DDAH1: variants seen among roughly 807,000 people sequenced by gnomAD.
DDAH1 encodes N(G),N(G)-dimethylarginine dimethylaminohydrolase 1.
In DDAH1, 19 loss-of-function variants were observed where a neutral mutation model predicts 28.8. The observed-to-expected ratio is 0.66, with a 90% CI of 0.46 to 0.97. The LOEUF (loss-of-function observed/expected upper bound fraction) is 0.97. DDAH1 is among the 50% of genes least tolerant of loss of function. DDAH1 has a pLI of 0.00. For synonymous variants in DDAH1, 153 were observed against 154.4 expected (o/e 0.99, Z 0.07); for missense variants, 326 against 375.9 (o/e 0.87, Z 1.10).
intron 1 of DDAH1, among the ~76,000 whole-genome samples, chr1:85,419,468 A>G (rs939074031): frequency 6.8e-6 from 1 of 146,514 alleles, no homozygotes; most frequent in South Asian, 2.3e-4. Flanking sequence ...TGAAACCGGG[A>G]GACAGAGGTT....
chr1:85,388,883 A>T (rs949115252), intron 1 of DDAH1, among the ~76,000 whole-genome samples: 1 of 152,220 alleles, frequency 6.6e-6, no homozygotes, highest in African/African-American at 2.4e-5. Context: ...CACTTAAAGG[A>T]ATTCAAATAG....
chr1:85,365,395 G>A (rs1187459442), intron 1 of DDAH1, among the ~76,000 whole-genome samples: 3 of 152,152 alleles, frequency 2.0e-5, no homozygotes, highest in Non-Finnish European at 4.4e-5. Flanking sequence ...GAAATGGAAG[G>A]ATAGAGGCTA....
chr1:85,356,885 G>A (rs1331757672), intron 2 of DDAH1, among the ~76,000 whole-genome samples: 1 of 152,156 alleles, frequency 6.6e-6, no homozygotes, highest in African/African-American at 2.4e-5. Context: ...AGATTTTAGG[G>A]GGTCTTTCTG....
intron 1 of DDAH1, among the ~76,000 whole-genome samples, chr1:85,433,022 C>T (rs900151832): frequency 2.0e-5 from 3 of 152,192 alleles, no homozygotes; most frequent in East Asian, 1.9e-4. Flanking sequence ...ATGATATTTA[C>T]ACTGTGTGAT....
At chr1:85,408,985 A>AC (rs955635444) in intron 1 of DDAH1, among the ~76,000 whole-genome samples, 21 of 152,072 alleles carry the variant, frequency 1.4e-4, no homozygotes, top group African/African-American at 4.6e-4. Context: ...TTCCAACTTC[A>AC]CCCCTCCTTT....
Position 85,470,756 on chromosome 1 carries a change from C to T in DDAH1, c.-7+25410G>A, listed in dbSNP as rs914084921. Among the ~76,000 whole-genome samples the T allele has an allele frequency of 1.2e-3, 177 of 152,300 alleles. 6 individuals are homozygous for T. The highest frequency in any genetic ancestry group is 4.1e-4 in the Non-Finnish European group (28 of 68,020). ...AGTTACAGACCCAGAGATGGTTCCACGGTAACCAGGACTCTGGTTCCTAAA... is the reference window on the plus strand; with the variant it reads ...AGTTACAGACCCAGAGATGGTTCCATGGTAACCAGGACTCTGGTTCCTAAA... On this transcript the variant is annotated intron_variant, in intron 2 of 6. Transcript: ENST00000426972.
chr1:85,539,937 TA>T (rs1658420849), intron 1 of DDAH1, among the ~76,000 whole-genome samples: 1 of 151,718 alleles, frequency 6.6e-6, no homozygotes, highest in Non-Finnish European at 1.5e-5. Context: ...TAATTTTACT[TA>T]TTTCTCCAAA....
At chr1:85,497,087 T>TAAC (rs1157351845) in intron 1 of DDAH1, among the ~76,000 whole-genome samples, 6 of 152,190 alleles carry the variant, frequency 3.9e-5, no homozygotes, top group African/African-American at 1.4e-4. Context: ...TGACTTAACC[T>TAAC]AACAGAACAG....
chr1:85,412,010 T>C (rs1281706801), intron 1 of DDAH1, among the ~76,000 whole-genome samples: 1 of 152,262 alleles, frequency 6.6e-6, no homozygotes, highest in African/African-American at 2.4e-5. Flanking sequence ...CCCACTGATA[T>C]AGAATGTACT....
intron 2 of DDAH1, among the ~76,000 whole-genome samples, chr1:85,472,111 T>A (rs588672): frequency 0.98 from 148,684 of 152,312 alleles, 72,657 homozygotes; most frequent in East Asian, 1. Context: ...TTACTCCAAC[T>A]TTCCTTCTGC....
At chr1:85,465,719 T>C (rs1468664946), upstream of DDAH1, among the ~76,000 whole-genome samples, 5 of 152,154 alleles carry the variant, frequency 3.3e-5, no homozygotes, top group Non-Finnish European at 7.3e-5. Context: ...CATTTGCATA[T>C]CTGAAAACAG....
At chr1:85,412,244 A>G (rs929674743) in intron 1 of DDAH1, among the ~76,000 whole-genome samples, 3 of 152,228 alleles carry the variant, frequency 2.0e-5, no homozygotes, top group African/African-American at 7.2e-5. Context: ...GGAGTCTACT[A>G]TGTCATGCTA....
intron 1 of DDAH1, among the ~76,000 whole-genome samples, chr1:85,389,390 T>G (rs1651431515): frequency 6.6e-6 from 1 of 152,222 alleles, no homozygotes; most frequent in African/African-American, 2.4e-5. Context: ...TACTAACTAT[T>G]AAATTTTAGT....
At chr1:85,551,349 T>A (rs1025444548) in intron 1 of DDAH1, among the ~76,000 whole-genome samples, 1 of 152,228 alleles carries the variant, frequency 6.6e-6, no homozygotes, top group African/African-American at 2.4e-5. Context: ...TACTCTGGGA[T>A]CTGCTGGTTT....
At chr1:85,345,370 G>A (rs1413240226) in intron 4 of DDAH1, among the ~76,000 whole-genome samples, 2 of 150,768 alleles carry the variant, frequency 1.3e-5, no homozygotes, top group African/African-American at 2.4e-5. Context: ...GGGTATGAAG[G>A]TGAGATGCAA....
intron 1 of DDAH1, among the ~76,000 whole-genome samples, chr1:85,449,465 C>G (rs1309526882): frequency 2.6e-5 from 4 of 151,912 alleles, no homozygotes; most frequent in Admixed American, 1.3e-4. Flanking sequence ...GGGGTAGGGC[C>G]ATCAGCAGAA....
intron 1 of DDAH1, among the ~76,000 whole-genome samples, chr1:85,503,039 A>G (rs1570616060): frequency 6.6e-6 from 1 of 152,338 alleles, no homozygotes; most frequent in East Asian, 1.9e-4. Context: ...AGTGTTTGCT[A>G]AGAACTTTTT....
At chr1:85,431,331 A>C (rs1055423411) in intron 1 of DDAH1, among the ~76,000 whole-genome samples, 2 of 152,176 alleles carry the variant, frequency 1.3e-5, no homozygotes, top group African/African-American at 2.4e-5. Flanking sequence ...GATGTTCATC[A>C]GGGGTATTGG....
intron 1 of DDAH1, among the ~76,000 whole-genome samples, chr1:85,420,481 G>A (rs762159357): frequency 3.9e-5 from 6 of 152,288 alleles, no homozygotes; most frequent in Non-Finnish European, 8.8e-5. Context: ...AATTTCTTCT[G>A]CCAGATAGAT....
Sources: allele counts gnomAD v4.1 joint callset (sites outside exome capture counted in the v4.1 genomes callset), GRCh38; gene constraint gnomAD v4.1.1; transcripts MANE v1.5; gene names NCBI Gene and HGNC (gene_info 2026-07-23, HGNC 2026-07-21).